The following GABRA2 variants were observed in gnomAD, a reference collection of about 807,000 sequenced individuals.
The protein encoded by GABRA2 is gamma-aminobutyric acid receptor subunit alpha-2.
A neutral mutation model predicts 48.7 loss-of-function variants in GABRA2; 16 were observed. The ratio of observed to expected loss-of-function variants is 0.33; its 90% CI spans 0.22 to 0.50. The LOEUF (loss-of-function observed/expected upper bound fraction) is 0.50. Ranked by LOEUF, GABRA2 falls within the 20% of genes least tolerant of loss-of-function variation. The pLI, the probability that GABRA2 is intolerant of heterozygous loss-of-function variation, is 0.98. For missense variants in GABRA2, 275 were observed against 535.6 expected (o/e 0.51, Z 4.80); for synonymous variants, 185 against 184.5 (o/e 1.00, Z -0.02).
chr4:46,386,947 C>T (rs948432915), intron 2 of GABRA2: 1 of 152,138 alleles, frequency 6.6e-6, no homozygotes, highest in Non-Finnish European at 1.5e-5. Flanking sequence ...GTAGAAAGAA[C>T]AAATGGTCTT....
At chr4:46,278,911 TG>T (rs1560467790) in intron 8 of GABRA2, among the ~76,000 whole-genome samples, 1 of 152,004 alleles carries the variant, frequency 6.6e-6, no homozygotes, top group Non-Finnish European at 1.5e-5. Flanking sequence ...AAAAGAGTAA[TG>T]GTATCAATAA....
chr4:46,261,594 C>T (rs1716995634), intron 9 of GABRA2: 2 of 411,864 alleles, frequency 4.9e-6, no homozygotes, highest in South Asian at 4.2e-5. Flanking sequence ...AACTTTACTG[C>T]TTCAGATTCT....
rs1251479896 is a variant in GABRA2 at position 46,244,275 on chromosome 4, A to T, written c.*6033T>A. ...AATATGTTAAAAATAAATTCTGAAC[A>T]AATCTATCAGTACTATTTCTAAAGT... On this transcript the variant is annotated 3_prime_UTR_variant, in exon 10 of 10. Transcript: ENST00000381620. 1.3e-5 allele frequency: 2 copies of T among 151,686 alleles called. No individual in the cohort carries two copies. Among genetic ancestry groups the T allele is most frequent in the Admixed American group, 1.3e-4 (2 of 15,152 alleles). The allele number at this position is 151,686 out of a possible 1,614,324, so 9.4% of individuals were successfully genotyped here.
At chr4:46,274,365 A>G (rs1720079209) in intron 8 of GABRA2, among the ~76,000 whole-genome samples, 1 of 152,100 alleles carries the variant, frequency 6.6e-6, no homozygotes, top group Non-Finnish European at 1.5e-5. Flanking sequence ...TCTTTCAAAG[A>G]CACTTATGTC....
At chr4:46,375,675 ATACT>A (rs1324535114) in intron 3 of GABRA2, among the ~76,000 whole-genome samples, 2 of 152,236 alleles carry the variant, frequency 1.3e-5, no homozygotes, top group African/African-American at 2.4e-5. Context: ...TTATGACAGA[ATACT>A]TAAAGTTCAA....
intron 9 of GABRA2, among the ~76,000 whole-genome samples, chr4:46,252,682 T>C (rs1292054637): frequency 6.6e-6 from 1 of 151,490 alleles, no homozygotes; most frequent in Non-Finnish European, 1.5e-5. Context: ...TTGAGGTTTA[T>C]ATCTCTAGGT....
At chr4:46,293,202 T>A (rs1723998706) in intron 8 of GABRA2, among the ~76,000 whole-genome samples, 1 of 152,080 alleles carries the variant, frequency 6.6e-6, no homozygotes. Flanking sequence ...AAAGACTAAT[T>A]TGGAATTATA....
At chr4:46,262,935 GAAGAAAGAAAGA>G (rs112511990) in intron 8 of GABRA2, among the ~76,000 whole-genome samples, 3 of 140,262 alleles carry the variant, frequency 2.1e-5, no homozygotes, top group East Asian at 2.2e-4. Context: ...GAGAAAGAAA[GAAGAAAGAAAGA>G]AAGAAAGAAA....
chr4:46,362,668 G>A (rs1390582867), intron 3 of GABRA2, among the ~76,000 whole-genome samples: 2 of 152,120 alleles, frequency 1.3e-5, no homozygotes, highest in African/African-American at 4.8e-5. Context: ...ACCACAAAAA[G>A]CAACTAAGTA....
chr4:46,323,829 A>T (rs1469919898), intron 4 of GABRA2, among the ~76,000 whole-genome samples: 1 of 151,958 alleles, frequency 6.6e-6, no homozygotes, highest in Non-Finnish European at 1.5e-5. Context: ...GAAAAAAAAA[A>T]TTAAATTTGA....
chr4:46,259,941 C>G (rs1716615302), intron 9 of GABRA2, among the ~76,000 whole-genome samples: 1 of 151,748 alleles, frequency 6.6e-6, no homozygotes, highest in Admixed American at 6.6e-5. Context: ...CATTTTAATT[C>G]TTAGTCTGAA....
At chr4:46,308,997 T>C (rs576244455) in intron 6 of GABRA2, among the ~76,000 whole-genome samples, 11 of 152,326 alleles carry the variant, frequency 7.2e-5, no homozygotes, top group African/African-American at 2.6e-4. Flanking sequence ...CTGCTGCATC[T>C]GCTGTGGTTT....
rs201300739 is a variant in GABRA2 at position 46,303,518 on chromosome 4, A to T, written c.798T>A (p.Ile266=). ...TAAGCCAGAATGAAACTTGGGAGAG[A>T]ATGACAGTCATGATGCAAGGCAGAT... ...QTYLPCIMTV[I]LSQVSFWLNR... The change falls in exon 8 of 10, where the codon ATT becomes ATA. Residue 266 remains isoleucine (I), a synonymous_variant. Coordinates refer to ENST00000381620, the MANE Select transcript of GABRA2 (RefSeq NM_000807.4). 1.9e-6 allele frequency: 3 copies of T among 1,614,080 alleles called. No homozygotes were observed. The highest frequency in any genetic ancestry group is 2.5e-6 in the Non-Finnish European group (3 of 1,179,974).
At chr4:46,257,189 C>G (rs1204848746) in intron 9 of GABRA2, among the ~76,000 whole-genome samples, 1 of 151,406 alleles carries the variant, frequency 6.6e-6, no homozygotes, top group African/African-American at 2.4e-5. Flanking sequence ...TAATTTGTAC[C>G]AAATGGTGTC....
chr4:46,309,160 A>AT (rs1727203709), intron 6 of GABRA2, among the ~76,000 whole-genome samples: 1 of 152,144 alleles, frequency 6.6e-6, no homozygotes, highest in South Asian at 2.1e-4. Flanking sequence ...GAGACCTGAC[A>AT]CCTTTTGCAA....
intron 8 of GABRA2, 77 bp downstream of exon 8, chr4:46,303,383 G>A: frequency 7.2e-7 from 1 of 1,388,316 alleles, no homozygotes; most frequent in Non-Finnish European, 1.0e-6. Context: ...ATTAGTTTGA[G>A]GATCAAGAGA....
chr4:46,312,398 C>T lies in GABRA2; in HGVS notation c.476+98G>A, dbSNP rs1228076918. The T allele has an allele frequency of 8.0e-6, 6 of 753,014 alleles. No homozygotes were observed. In the African/African-American group the frequency reaches 1.1e-4, roughly 14 times the overall value. The allele number at this position is 753,014 out of a possible 1,614,324, so 46.6% of individuals were successfully genotyped here. A position where few individuals can be genotyped will look rare whatever the true frequency, so the allele number is the denominator to read the frequency against. The stretch of plus-strand genomic sequence containing the variant: ...TACTTCAATAATCTGTTAGAAAACA[C>T]TCAACTTTGTTAATACTTGACAGCT... On this transcript the variant is annotated intron_variant, in intron 5 of 9. Coordinates refer to ENST00000381620, the MANE Select transcript of GABRA2 (RefSeq NM_000807.4).
chr4:46,296,312 T>C (rs1460748377), intron 8 of GABRA2, among the ~76,000 whole-genome samples: 1 of 152,148 alleles, frequency 6.6e-6, no homozygotes, highest in Non-Finnish European at 1.5e-5. Flanking sequence ...CTAGAGATCT[T>C]AGTTCCAGAG....
chr4:46,320,914 G>T (rs2109749112), intron 4 of GABRA2, among the ~76,000 whole-genome samples: 1 of 151,952 alleles, frequency 6.6e-6, no homozygotes, highest in East Asian at 1.9e-4. Context: ...GACCTTTAAA[G>T]ATATTGGCAT....
Sources: allele counts gnomAD v4.1 joint callset (sites outside exome capture counted in the v4.1 genomes callset), GRCh38; gene constraint gnomAD v4.1.1; transcripts MANE v1.5; gene names NCBI Gene and HGNC (gene_info 2026-07-23, HGNC 2026-07-21).